SH3GL2: variants seen among roughly 807,000 people sequenced by gnomAD.
The protein encoded by SH3GL2 is SH3 domain containing GRB2 like 2, endophilin A1, also known as endophilin-A1.
A neutral mutation model predicts 46.0 loss-of-function variants in SH3GL2; 24 were observed. The observed-to-expected ratio is 0.52, with a 90% confidence interval of 0.38 to 0.73. The LOEUF is 0.73. SH3GL2 is among the 30% of genes least tolerant of loss of function. SH3GL2 has a pLI of 0.00. For missense variants in SH3GL2, 413 were observed against 424.2 expected (o/e 0.97, Z 0.23); for synonymous variants, 196 against 147.1 (o/e 1.33, Z -2.40).
chr9:17,693,090 TG>T (rs1397671486), intron 1 of SH3GL2, among the ~76,000 whole-genome samples: 1 of 152,218 alleles, frequency 6.6e-6, no homozygotes, highest in African/African-American at 2.4e-5. Flanking sequence ...AATAGTGTTT[TG>T]GTTTTTTAGC....
chr9:17,791,930 G>T (rs1824141339), intron 7 of SH3GL2, among the ~76,000 whole-genome samples: 1 of 152,236 alleles, frequency 6.6e-6, no homozygotes, highest in Admixed American at 6.5e-5. Context: ...AAACTACCGT[G>T]TGAATGTGGC....
At chr9:17,746,326 T>C (rs1243932347) in intron 1 of SH3GL2, among the ~76,000 whole-genome samples, 1 of 152,196 alleles carries the variant, frequency 6.6e-6, no homozygotes, top group Non-Finnish European at 1.5e-5. Context: ...TCCACCCGCC[T>C]CGGCCTCCCA....
intron 3 of SH3GL2, among the ~76,000 whole-genome samples, chr9:17,785,307 G>A (rs370112730): frequency 1.3e-5 from 2 of 152,126 alleles, no homozygotes; most frequent in African/African-American, 2.4e-5. Context: ...TCTACCCTCA[G>A]TTCATTATAA....
intron 1 of SH3GL2, among the ~76,000 whole-genome samples, chr9:17,648,401 G>C (rs537855710): frequency 6.6e-6 from 1 of 152,290 alleles, no homozygotes; most frequent in Admixed American, 6.5e-5. Context: ...AAAATGTTGG[G>C]TTGGAAAGGA....
chr9:17,767,006 A>G (rs991658434), intron 3 of SH3GL2, among the ~76,000 whole-genome samples: 1 of 152,206 alleles, frequency 6.6e-6, no homozygotes. Context: ...TGGACTGTGG[A>G]CCTTTTCCAG....
chr9:17,772,239 A>G (rs561905244), intron 3 of SH3GL2, among the ~76,000 whole-genome samples: 2 of 152,330 alleles, frequency 1.3e-5, no homozygotes, highest in Non-Finnish European at 2.9e-5. Context: ...ATTTAGTGTG[A>G]TTTGAGGATT....
intron 1 of SH3GL2, among the ~76,000 whole-genome samples, chr9:17,649,099 A>G (rs1212118891): frequency 6.6e-6 from 1 of 152,164 alleles, no homozygotes; most frequent in Non-Finnish European, 1.5e-5. Context: ...TCTCTAGTGT[A>G]CATTTTTCAT....
At chr9:17,665,056 G>A (rs1445630340) in intron 1 of SH3GL2, among the ~76,000 whole-genome samples, 2 of 152,062 alleles carry the variant, frequency 1.3e-5, no homozygotes, top group African/African-American at 4.8e-5. Context: ...TGATTCACCA[G>A]TGTTCATCTT....
At chr9:17,792,420 C>T (rs558318850) in intron 7 of SH3GL2, among the ~76,000 whole-genome samples, 1 of 152,320 alleles carries the variant, frequency 6.6e-6, no homozygotes, top group Non-Finnish European at 1.5e-5. Context: ...TATCATTCTA[C>T]AGTTACCATA....
chr9:17,649,305 G>A (rs1286419849), intron 1 of SH3GL2, among the ~76,000 whole-genome samples: 1 of 152,134 alleles, frequency 6.6e-6, no homozygotes, highest in Non-Finnish European at 1.5e-5. Flanking sequence ...GACCTTAAGC[G>A]AACCACCTGC....
At chr9:17,781,686 G>C (rs1457402559) in intron 3 of SH3GL2, among the ~76,000 whole-genome samples, 1 of 152,084 alleles carries the variant, frequency 6.6e-6, no homozygotes, top group Non-Finnish European at 1.5e-5. Context: ...CAGTATTTGA[G>C]AGTTCTGGTT....
At chr9:17,740,695 A>T (rs1313162886) in intron 1 of SH3GL2, among the ~76,000 whole-genome samples, 2 of 152,244 alleles carry the variant, frequency 1.3e-5, no homozygotes, top group East Asian at 3.9e-4. Context: ...CTTAAATTAC[A>T]TTTAGATTTT....
At chr9:17,746,994 T>C (rs1822707668) in intron 1 of SH3GL2, 72 bp from the exon 2 acceptor site, 2 of 996,562 alleles carry the variant, frequency 2.0e-6, no homozygotes, top group African/African-American at 3.3e-5. Context: ...TTTGTGAAAG[T>C]GCTTAAAATT....
intron 3 of SH3GL2, among the ~76,000 whole-genome samples, chr9:17,763,848 T>TGA (rs1823245742): frequency 6.6e-6 from 1 of 152,290 alleles, no homozygotes; most frequent in South Asian, 2.1e-4. Flanking sequence ...TCTCTGCACT[T>TGA]CACGTTGCAC....
At chr9:17,750,176 C>A (rs1057352933) in intron 2 of SH3GL2, among the ~76,000 whole-genome samples, 1 of 152,062 alleles carries the variant, frequency 6.6e-6, no homozygotes, top group Non-Finnish European at 1.5e-5. Context: ...AATCTTTTCT[C>A]GCCTGTTAAT....
At chr9:17,621,124 C>T (rs1043605563) in intron 1 of SH3GL2, among the ~76,000 whole-genome samples, 1 of 152,120 alleles carries the variant, frequency 6.6e-6, no homozygotes, top group African/African-American at 2.4e-5. Flanking sequence ...AATTTCAATG[C>T]CTGTAGACAG....
chr9:17,792,706 G>T (rs994750209), intron 7 of SH3GL2, among the ~76,000 whole-genome samples: 10 of 152,134 alleles, frequency 6.6e-5, no homozygotes, highest in African/African-American at 9.7e-5. Context: ...AACAGCTCCT[G>T]TGTATCTTTT....
intron 1 of SH3GL2, among the ~76,000 whole-genome samples, chr9:17,708,455 A>G (rs918316054): frequency 5.9e-5 from 9 of 152,054 alleles, no homozygotes; most frequent in African/African-American, 7.2e-5. Context: ...CAGTTTGAAA[A>G]TATTCTAATT....
At chr9:17,590,311 C>G (rs1181884868) in intron 1 of SH3GL2, 1 of 152,158 alleles carries the variant, frequency 6.6e-6, no homozygotes, top group Non-Finnish European at 1.5e-5. Flanking sequence ...GTATAATACA[C>G]TGGCTAAAGG....
Sources: allele counts gnomAD v4.1 joint callset (sites outside exome capture counted in the v4.1 genomes callset), GRCh38; gene constraint gnomAD v4.1.1; transcripts MANE v1.5; gene names NCBI Gene and HGNC (gene_info 2026-07-23, HGNC 2026-07-21).